Variants in ACOT12 observed in about 807,000 individuals in gnomAD.
The protein encoded by ACOT12 is acetyl-coenzyme A thioesterase.
A neutral mutation model predicts 67.7 loss-of-function variants in ACOT12; 51 were observed. That is an observed-to-expected ratio of 0.75 (90% CI 0.60 to 0.95). The LOEUF (loss-of-function observed/expected upper bound fraction) is 0.95, where lower values mean the gene tolerates loss of function less well. ACOT12 is among the 40% of genes least tolerant of loss of function. The pLI is 0.00. For synonymous variants in ACOT12, 251 were observed against 244.6 expected, an observed-to-expected ratio of 1.03 and a Z score of -0.24; for missense variants, 734 against 708.1, an observed-to-expected ratio of 1.04 and a Z score of -0.41.
intron 12 of ACOT12, among the ~76,000 whole-genome samples, chr5:81,334,890 A>C (rs1580529416): frequency 6.6e-6 from 1 of 152,162 alleles, no homozygotes; most frequent in Non-Finnish European, 1.5e-5. Flanking sequence ...TGCAGGAGAC[A>C]GGGAGTGGCA....
chr5:81,322,164 C>T, the ACOT12 span, among the ~76,000 whole-genome samples: 253 of 151,912 alleles, frequency 1.7e-3, no homozygotes, highest in African/African-American at 5.9e-3. Flanking sequence ...TTTTCTTTTT[C>T]CTTTCAGGAA....
the ACOT12 span, among the ~76,000 whole-genome samples, chr5:81,316,054 A>AT: frequency 6.6e-6 from 1 of 152,226 alleles, no homozygotes; most frequent in Non-Finnish European, 1.5e-5. Flanking sequence ...CATAATATGT[A>AT]TTTATCATTT....
intron 5 of ACOT12, among the ~76,000 whole-genome samples, chr5:81,357,760 C>T (rs1447889877): frequency 6.6e-6 from 1 of 152,144 alleles, no homozygotes; most frequent in Non-Finnish European, 1.5e-5. Context: ...AACCCCAGCA[C>T]TTTGGGAGGC....
At chr5:81,324,248 T>C in the ACOT12 span, among the ~76,000 whole-genome samples, 1 of 152,114 alleles carries the variant, frequency 6.6e-6, no homozygotes, top group African/African-American at 2.4e-5. Flanking sequence ...GCAGGGAAGA[T>C]AGGTTATAAT....
intron 5 of ACOT12, among the ~76,000 whole-genome samples, chr5:81,357,849 C>T (rs992650935): frequency 6.6e-6 from 1 of 151,694 alleles, no homozygotes; most frequent in Non-Finnish European, 1.5e-5. Context: ...CCCCTAAAAA[C>T]ACAAAAATTA....
chr5:81,374,240 A>T (rs1760342086), intron 2 of ACOT12, among the ~76,000 whole-genome samples: 1 of 152,354 alleles, frequency 6.6e-6, no homozygotes, highest in East Asian at 1.9e-4. Context: ...GACCTGCAGC[A>T]GATGGGCCTG....
intron 4 of ACOT12, among the ~76,000 whole-genome samples, chr5:81,363,482 A>G (rs1384938211): frequency 6.6e-6 from 1 of 152,200 alleles, no homozygotes; most frequent in Non-Finnish European, 1.5e-5. Context: ...AAAGCACTAA[A>G]CCAGTAGGCA....
chr5:81,342,743 C>A lies in ACOT12; in HGVS notation c.1057G>T (p.Asp353Tyr). 6.2e-7 allele frequency: 1 copy of A among 1,614,152 alleles called. No homozygotes were observed. Among genetic ancestry groups the A allele is most frequent in the Non-Finnish European group, 8.5e-7 (1 of 1,179,998 alleles). Residue 353 changes from aspartate (D) to tyrosine (Y), a missense_variant, in exon 11 of 15, where the codon GAC (aspartate) becomes TAC (tyrosine). Physicochemically the swap from Asp to Tyr is radical, Grantham distance 160. Transcript: ENST00000307624. Reference sequence around the variant, plus strand: ...TTTTTGAGGGCCTCCACATTGCTGTCACTCAGGGATGCCTAGAATAGAAAT... The same window carrying A: ...TTTTTGAGGGCCTCCACATTGCTGTAACTCAGGGATGCCTAGAATAGAAAT... ...WDISKQASLSDSNVEALKKLA... is the reference protein window; with the variant it reads ...WDISKQASLSYSNVEALKKLA...
chr5:81,328,873 CTA>C, downstream of ACOT12, among the ~76,000 whole-genome samples: 1 of 152,278 alleles, frequency 6.6e-6, no homozygotes, highest in Middle Eastern at 3.4e-3. Context: ...TGGAAATATT[CTA>C]TACCTGTATA....
chr5:81,358,516 A>G (rs1287788176), intron 5 of ACOT12, among the ~76,000 whole-genome samples: 1 of 152,236 alleles, frequency 6.6e-6, no homozygotes, highest in African/African-American at 2.4e-5. Context: ...GCTCTTCTTA[A>G]CACCGTCATT....
downstream of ACOT12, among the ~76,000 whole-genome samples, chr5:81,325,750 C>T (rs761808906): frequency 6.6e-6 from 1 of 152,132 alleles, no homozygotes; most frequent in Non-Finnish European, 1.5e-5. Flanking sequence ...ATTTCTCTGA[C>T]TTTTGAATCT....
At chr5:81,342,793 C>T (rs1759240838) in intron 10 of ACOT12, 38 bp from the exon 11 acceptor site, 2 of 1,587,134 alleles carry the variant, frequency 1.3e-6, no homozygotes, top group East Asian at 4.5e-5. Flanking sequence ...GCTATGTGTT[C>T]AATACATGGA....
In ACOT12 at chr5:81,371,873, A is replaced by G. The variant is rs116729069; in HGVS notation, c.198-63T>C. 4,504 of 1,438,538 alleles carry G rather than the reference A, an allele frequency of 3.1e-3. 113 individuals carry two copies. The African/African-American group carries it at 0.054, about 17-fold the overall frequency. 89.1% of individuals were successfully genotyped at this position (1,438,538 alleles called of 1,614,324 possible). On this transcript the variant is annotated intron_variant, in intron 2 of 14. Transcript: ENST00000307624. Reference sequence around the variant, plus strand: ...GCACATTTCATTTCAGATAAGACTTAAAGATTACTTAAATGCATGCCATAA... The same window carrying G: ...GCACATTTCATTTCAGATAAGACTTGAAGATTACTTAAATGCATGCCATAA...
rs1381502494 is a variant in ACOT12, at chr5:81,380,575, AAAAAAG to A, written c.197+5176_197+5181del. 6.4e-3 allele frequency among the ~76,000 whole-genome samples: 812 copies of A among 127,642 alleles called. 3 individuals are homozygous for A. The highest frequency in any genetic ancestry group is 0.012 in the Non-Finnish European group (653 of 54,952). The allele number at this position is 127,642 out of a possible 152,430, so 83.7% of individuals were successfully genotyped here. On this transcript the variant is annotated intron_variant, in intron 2 of 14. Coordinates refer to ENST00000307624, the MANE Select transcript of ACOT12 (RefSeq NM_130767.3). ...TGAGACTGTCTTAGAAAAAAAAAAA[AAAAAAG>A]AAAAGAAATCTATCCCACAAATATA...
downstream of ACOT12, chr5:81,329,918 T>C (rs1580521777): frequency 6.5e-6 from 1 of 152,832 alleles, no homozygotes; most frequent in African/African-American, 2.4e-5. Flanking sequence ...GACTATGTAA[T>C]ACATCTTGTC....
intron 2 of ACOT12, among the ~76,000 whole-genome samples, chr5:81,382,454 T>G (rs1018293481): frequency 6.6e-6 from 1 of 152,168 alleles, no homozygotes; most frequent in East Asian, 1.9e-4. Context: ...GGGATTAAAC[T>G]GAAGAAGCTC....
chr5:81,356,972 G>A (rs1418913661), intron 5 of ACOT12, among the ~76,000 whole-genome samples: 4 of 151,448 alleles, frequency 2.6e-5, no homozygotes, highest in Non-Finnish European at 4.4e-5. Context: ...CAAGCCTCTC[G>A]ACATGGCCCA....
chr5:81,356,350 C>T (rs1759714231), intron 5 of ACOT12, among the ~76,000 whole-genome samples: 1 of 152,130 alleles, frequency 6.6e-6, no homozygotes, highest in African/African-American at 2.4e-5. Context: ...TGACACTGCT[C>T]TCTCCAGCTC....
intron 5 of ACOT12, among the ~76,000 whole-genome samples, chr5:81,358,086 T>A (rs1265773938): frequency 6.6e-6 from 1 of 151,992 alleles, no homozygotes. Context: ...TCTGGTTGTT[T>A]AGTGGCTTAT....
Sources: allele counts gnomAD v4.1 joint callset (sites outside exome capture counted in the v4.1 genomes callset), GRCh38; gene constraint gnomAD v4.1.1; transcripts MANE v1.5; gene names NCBI Gene and HGNC (gene_info 2026-07-23, HGNC 2026-07-21).